The following MEP1A variants were observed in gnomAD, a reference collection of about 807,000 sequenced individuals.
MEP1A encodes the protein N-benzoyl-L-tyrosyl-P-amino-benzoic acid hydrolase subunit alpha.
MEP1A carries 68 observed loss-of-function variants against 84.5 expected under a neutral mutation model. The observed-to-expected ratio is 0.80, with a 90% CI of 0.66 to 0.98. The LOEUF (loss-of-function observed/expected upper bound fraction) is 0.98. MEP1A is among the 50% of genes least tolerant of loss of function. The pLI is 0.00. For missense variants in MEP1A, 887 were observed against 919.9 expected, an observed-to-expected ratio of 0.96 and a Z score of 0.46; for synonymous variants, 337 against 336.8, an observed-to-expected ratio of 1.00 and a Z score of -0.01.
chr6:46,820,311 C>A (rs1767737334), intron 7 of MEP1A, among the ~76,000 whole-genome samples: 1 of 152,172 alleles, frequency 6.6e-6, no homozygotes, highest in Admixed American at 6.5e-5. Context: ...CTGCCTCCAC[C>A]TCATACAATG....
chr6:46,812,282 A>T (rs1009852203), intron 6 of MEP1A, among the ~76,000 whole-genome samples: 3 of 152,058 alleles, frequency 2.0e-5, no homozygotes, highest in Non-Finnish European at 4.4e-5. Flanking sequence ...GTAGCCTTGA[A>T]TAATCTTTCA....
chr6:46,809,828 T>A (rs1767452537), intron 6 of MEP1A, among the ~76,000 whole-genome samples: 1 of 130,460 alleles, frequency 7.7e-6, no homozygotes, highest in South Asian at 2.5e-4. Context: ...ATATATATAT[T>A]TTACATATAT....
intron 3 of MEP1A, among the ~76,000 whole-genome samples, chr6:46,794,349 A>G (rs1767002492): frequency 6.6e-6 from 1 of 152,226 alleles, no homozygotes; most frequent in Non-Finnish European, 1.5e-5. Context: ...TATTCATGAT[A>G]ATAAGTACCT....
chr6:46,816,674 C>G (rs1015786468), intron 6 of MEP1A, among the ~76,000 whole-genome samples: 2 of 152,028 alleles, frequency 1.3e-5, no homozygotes, highest in African/African-American at 4.8e-5. Context: ...TGGAGAACCC[C>G]CTAAGTTCAG....
intron 9 of MEP1A, among the ~76,000 whole-genome samples, chr6:46,827,286 T>C (rs922060750): frequency 3.3e-5 from 5 of 152,166 alleles, no homozygotes; most frequent in African/African-American, 7.2e-5. Context: ...TCTGTAAACA[T>C]CAAGATATTG....
chr6:46,841,552 A>G (rs544077413), downstream of MEP1A, among the ~76,000 whole-genome samples: 1,486 of 152,310 alleles, frequency 9.8e-3, 28 homozygotes, highest in African/African-American at 0.034. Flanking sequence ...CAGGATTTAG[A>G]TGAGCAACAT....
chr6:46,793,972 T>G (rs1198361899), intron 3 of MEP1A, among the ~76,000 whole-genome samples: 1 of 152,220 alleles, frequency 6.6e-6, no homozygotes, highest in African/African-American at 2.4e-5. Context: ...ATAAAAATTT[T>G]ATTTTTCCAA....
In MEP1A at chr6:46,838,886, G is replaced by A. The variant is rs139875335; in HGVS notation, c.2085-94G>A. The A allele has an allele frequency of 2.4e-3, 2,672 of 1,110,796 alleles. 5 individuals carry two copies. The highest frequency in any genetic ancestry group is 5.4e-3 in the African/African-American group (346 of 64,254). The allele number at this position is 1,110,796 out of a possible 1,614,324, so 68.8% of individuals were successfully genotyped here. The stretch of plus-strand genomic sequence containing the variant: ...CACCACGTGGACCTGCTCAGTGAGC[G>A]TTTGCCATTTTTATTGCTGTGGAGA... On this transcript the variant is annotated intron_variant, in intron 13 of 13. Transcript: ENST00000230588.
intron 5 of MEP1A, among the ~76,000 whole-genome samples, chr6:46,805,825 A>G (rs1298636508): frequency 6.6e-6 from 1 of 151,966 alleles, no homozygotes; most frequent in Non-Finnish European, 1.5e-5. Flanking sequence ...CCAAATCTGA[A>G]AAACGTTAGG....
chr6:46,813,228 G>A (rs1163258023), intron 6 of MEP1A, among the ~76,000 whole-genome samples: 1 of 151,272 alleles, frequency 6.6e-6, no homozygotes, highest in Non-Finnish European at 1.5e-5. Context: ...GTTATGTGAG[G>A]CCTCAAAACC....
chr6:46,816,538 A>G (rs1767640083), intron 6 of MEP1A, among the ~76,000 whole-genome samples: 1 of 151,680 alleles, frequency 6.6e-6, no homozygotes, highest in Non-Finnish European at 1.5e-5. Context: ...CAGAGGCAGG[A>G]AGAGGGAGAG....
At chr6:46,822,822 G>A (rs1372594072) in intron 7 of MEP1A, among the ~76,000 whole-genome samples, 1 of 152,170 alleles carries the variant, frequency 6.6e-6, no homozygotes, top group Non-Finnish European at 1.5e-5. Flanking sequence ...TGGGATTACA[G>A]GTGTGAACCA....
At chr6:46,844,820 G>T in the MEP1A span, among the ~76,000 whole-genome samples, 2 of 152,268 alleles carry the variant, frequency 1.3e-5, no homozygotes, top group South Asian at 4.2e-4. Context: ...TTGTCTCTGT[G>T]TCCCCACCCA....
intron 7 of MEP1A, among the ~76,000 whole-genome samples, chr6:46,821,009 A>T (rs2150750259): frequency 6.6e-6 from 1 of 152,300 alleles, no homozygotes; most frequent in East Asian, 1.9e-4. Flanking sequence ...ATTGCAGTGC[A>T]TCTATAATAA....
intron 6 of MEP1A, among the ~76,000 whole-genome samples, chr6:46,813,784 G>T (rs1767561800): frequency 6.6e-6 from 1 of 152,132 alleles, no homozygotes; most frequent in African/African-American, 2.4e-5. Flanking sequence ...GTTTGAAAAA[G>T]ACTGTATCTT....
intron 5 of MEP1A, among the ~76,000 whole-genome samples, chr6:46,807,614 AAG>A: frequency 1.3e-5 from 1 of 77,730 alleles, no homozygotes; most frequent in Non-Finnish European, 2.5e-5. Context: ...GGAAGGAAGG[AAG>A]GAAGGAAAGA....
Position 46,819,590 on chromosome 6 carries a change from G to A in MEP1A, c.442G>A (p.Ala148Thr). 6.2e-7 allele frequency: 1 copy of A among 1,614,076 alleles called. No individual in the cohort carries two copies. The highest frequency in any genetic ancestry group is 8.5e-7 in the Non-Finnish European group (1 of 1,179,978). Residue 148 changes from alanine (A) to threonine (T), a missense_variant, in exon 7 of 14, where the codon GCC becomes ACC. By Grantham distance (58) the Ala-to-Thr change is moderately conservative (BLOSUM62 0). Transcript: ENST00000230588. ...GQNISIGQGCAYKAIIEHEIL... is the reference protein window; with the variant it reads ...GQNISIGQGCTYKAIIEHEIL... ...GAACATTTCCATTGGCCAAGGATGT[G>A]CCTATAAGGCCATCATAGAACACGA...
chr6:46,800,272 A>G (rs1333885391), intron 5 of MEP1A, among the ~76,000 whole-genome samples: 1 of 152,138 alleles, frequency 6.6e-6, no homozygotes, highest in Non-Finnish European at 1.5e-5. Flanking sequence ...TTCATCTGAT[A>G]TTTTATGTAA....
intron 7 of MEP1A, 100 bp downstream of exon 7, chr6:46,819,804 A>G: frequency 7.9e-7 from 1 of 1,266,104 alleles, no homozygotes; most frequent in Non-Finnish European, 1.1e-6. Context: ...CAGCCTCTCT[A>G]GTGGGAAGAA....
Sources: gnomAD v4.1 joint callset for allele counts (sites outside exome capture counted in the v4.1 genomes callset) on GRCh38, gnomAD v4.1.1 for gene constraint, MANE v1.5 for transcripts, NCBI Gene and HGNC (gene_info 2026-07-23, HGNC 2026-07-21) for gene names.